Variants in ASXL2 observed in about 807,000 individuals in gnomAD.
ASXL2 encodes the protein putative Polycomb group protein ASXL2.
ASXL2 carries 23 observed loss-of-function variants against 122.0 expected under a neutral mutation model. The ratio of observed to expected loss-of-function variants is 0.19; its 90% CI spans 0.14 to 0.27. ASXL2 has a LOEUF of 0.27. Ranked by LOEUF, ASXL2 falls within the 10% of genes least tolerant of loss-of-function variation. The pLI is 1.00. For missense variants in ASXL2, 1,518 were observed against 1,713.8 expected (o/e 0.89, Z 2.02); for synonymous variants, 650 against 637.0 (o/e 1.02, Z -0.31).
intron 4 of ASXL2, among the ~76,000 whole-genome samples, chr2:25,799,830 C>T (rs1419710270): frequency 1.3e-5 from 2 of 152,152 alleles, no homozygotes; most frequent in African/African-American, 4.8e-5. Flanking sequence ...ATTAAATACT[C>T]TTACATTTTA....
intron 6 of ASXL2, among the ~76,000 whole-genome samples, chr2:25,771,102 G>A (rs922674310): frequency 6.6e-6 from 1 of 152,034 alleles, no homozygotes; most frequent in Non-Finnish European, 1.5e-5. Flanking sequence ...TGGGCGTGGT[G>A]GCAGGTGCCT....
At chr2:25,753,796 T>C (rs925326863) in intron 10 of ASXL2, among the ~76,000 whole-genome samples, 157 bp from the exon 11 acceptor site, 2 of 152,166 alleles carry the variant, frequency 1.3e-5, no homozygotes, top group South Asian at 4.1e-4. Flanking sequence ...AGGACCTAAA[T>C]GCCATTAGGT....
intron 5 of ASXL2, among the ~76,000 whole-genome samples, chr2:25,786,996 AAG>A (rs1574416429): frequency 6.6e-6 from 1 of 152,142 alleles, no homozygotes; most frequent in African/African-American, 2.4e-5. Flanking sequence ...AAAAAAGAAA[AAG>A]AAAATTGCCA....
intron 1 of ASXL2, chr2:25,856,937 C>A: frequency 1.7e-6 from 1 of 575,402 alleles, no homozygotes. Flanking sequence ...TCCTATACCT[C>A]ATTTTTAATA....
rs528551979 is a variant in ASXL2, at chr2:25,752,801, C to T, written c.1142+733G>A. On this transcript the variant is annotated intron_variant, in intron 11 of 12. Coordinates refer to ENST00000435504, the MANE Select transcript of ASXL2 (RefSeq NM_018263.6). ...ACAGGTTGCAGTGAGTCTGAGATTGCGCCACTGTACTCCAGCCTGGGCGAC... is the reference window on the plus strand; with the variant it reads ...ACAGGTTGCAGTGAGTCTGAGATTGTGCCACTGTACTCCAGCCTGGGCGAC... Among the ~76,000 whole-genome samples the T allele has an allele frequency of 6.6e-5, 10 of 150,574 alleles. No individual in the cohort carries two copies. In the South Asian group the frequency reaches 8.4e-4, roughly 13 times the overall value.
At chr2:25,780,667 G>A (rs981786000) in intron 5 of ASXL2, among the ~76,000 whole-genome samples, 29 of 152,130 alleles carry the variant, frequency 1.9e-4, no homozygotes, top group Non-Finnish European at 3.7e-4. Flanking sequence ...CTGCCATTTT[G>A]TATTTTTGAC....
intron 5 of ASXL2, among the ~76,000 whole-genome samples, chr2:25,783,506 A>G (rs2088681068): frequency 7.5e-6 from 1 of 132,566 alleles, no homozygotes; most frequent in Admixed American, 7.2e-5. Context: ...AATTTCCACC[A>G]TTTTTTTTAT....
In ASXL2 at chr2:25,742,487, T is replaced by C. The variant is rs749347152; in HGVS notation, c.3850A>G (p.Ser1284Gly). ...AHAVRGKAIR[S>G]SPELFSSTVL... ...GTAGAACTGAAAAGCTCGGGGCTGC[T>C]ACGGATTGCCTTACCTCTCACTGCA... Residue 1284 changes from serine (S) to glycine (G), a missense_variant, in exon 13 of 13, where the codon AGC (serine) becomes GGC (glycine). This residue lies in a region of ASXL2 where 831 missense variants were observed against 833.1 expected (regional missense o/e 1.00). Transcript: ENST00000435504. 4.3e-6 allele frequency: 7 copies of C among 1,613,882 alleles called. No homozygotes were observed. The highest frequency in any genetic ancestry group is 5.9e-6 in the Non-Finnish European group (7 of 1,179,848).
intron 4 of ASXL2, among the ~76,000 whole-genome samples, chr2:25,800,029 C>T (rs951455424): frequency 6.7e-6 from 1 of 149,648 alleles, no homozygotes; most frequent in Non-Finnish European, 1.5e-5. Context: ...CATGGTGGAA[C>T]GAACACTCCT....
At chr2:25,766,233 G>A (rs1020094759) in intron 8 of ASXL2, among the ~76,000 whole-genome samples, 20 of 151,086 alleles carry the variant, frequency 1.3e-4, no homozygotes, top group Non-Finnish European at 1.2e-4. Flanking sequence ...CATATGTTTC[G>A]AGATCTTTAA....
At chr2:25,804,531 T>G (rs954497841) in intron 4 of ASXL2, among the ~76,000 whole-genome samples, 1 of 152,170 alleles carries the variant, frequency 6.6e-6, no homozygotes, top group Non-Finnish European at 1.5e-5. Flanking sequence ...AAGTTATATA[T>G]GATGAGGAGA....
chr2:25,750,627 T>C (rs988217412), intron 11 of ASXL2, among the ~76,000 whole-genome samples: 1 of 152,204 alleles, frequency 6.6e-6, no homozygotes, highest in Non-Finnish European at 1.5e-5. Flanking sequence ...CCGTGTGATA[T>C]TAAGTAAATG....
At chr2:25,810,482 C>T (rs2089151951) in intron 3 of ASXL2, 1 of 738,858 alleles carries the variant, frequency 1.4e-6, no homozygotes, top group Non-Finnish European at 2.5e-6. Flanking sequence ...TCCTCTTCAA[C>T]CAGCTGGATC....
intron 5 of ASXL2, among the ~76,000 whole-genome samples, chr2:25,783,487 T>A (rs2088680771): frequency 6.9e-6 from 1 of 144,838 alleles, no homozygotes; most frequent in African/African-American, 2.6e-5. Context: ...TTTTCTCTTC[T>A]AATTTAGTAA....
intron 8 of ASXL2, among the ~76,000 whole-genome samples, chr2:25,766,570 T>C (rs1041848013): frequency 9.2e-5 from 14 of 152,342 alleles, no homozygotes; most frequent in African/African-American, 2.4e-4. Context: ...TGCAGACTTT[T>C]TTCTAAGACT....
intron 3 of ASXL2, among the ~76,000 whole-genome samples, chr2:25,834,526 G>T (rs936065026): frequency 6.6e-6 from 1 of 152,066 alleles, no homozygotes; most frequent in African/African-American, 2.4e-5. Flanking sequence ...TCTTACAAAT[G>T]AACTTAATGG....
chr2:25,749,590 G>A (rs1044470520), intron 12 of ASXL2, 106 bp downstream of exon 12: 4 of 843,318 alleles, frequency 4.7e-6, no homozygotes, highest in Non-Finnish European at 7.0e-6. Context: ...ATATCCAACT[G>A]CTTCTGCATT....
At chr2:25,844,531 G>A (rs1348371573) in intron 2 of ASXL2, among the ~76,000 whole-genome samples, 1 of 151,104 alleles carries the variant, frequency 6.6e-6, no homozygotes, top group Non-Finnish European at 1.5e-5. Context: ...AGCCAAGATC[G>A]TGCCACTGCA....
At chr2:25,756,986 C>T (rs1243770036) in intron 9 of ASXL2, among the ~76,000 whole-genome samples, 1 of 152,176 alleles carries the variant, frequency 6.6e-6, no homozygotes, top group East Asian at 1.9e-4. Flanking sequence ...CCAATCTATT[C>T]TGCAGTTTAA....
Sources: allele counts gnomAD v4.1 joint callset (sites outside exome capture counted in the v4.1 genomes callset), GRCh38; gene constraint gnomAD v4.1.1; regional missense constraint gnomAD v4.1.1; transcripts MANE v1.5; gene names NCBI Gene and HGNC (gene_info 2026-07-23, HGNC 2026-07-21).